DEPTOR: variants seen among roughly 807,000 people sequenced by gnomAD.
DEPTOR encodes DEP domain containing MTOR interacting protein.
In DEPTOR, 41 loss-of-function variants were observed where a neutral mutation model predicts 41.6. The observed-to-expected ratio is 0.98, with a 90% confidence interval of 0.77 to 1.28. The LOEUF is 1.28. Among genes scored for constraint, DEPTOR ranks in the 50% most tolerant of loss-of-function variants. The pLI, the probability that DEPTOR is intolerant of heterozygous loss-of-function variation, is 0.00. For synonymous variants in DEPTOR, 195 were observed against 192.3 expected (o/e 1.01, Z -0.12); for missense variants, 514 against 527.9 (o/e 0.97, Z 0.26).
chr8:120,046,384 A>G (rs1206651737), intron 8 of DEPTOR, among the ~76,000 whole-genome samples: 1 of 151,496 alleles, frequency 6.6e-6, no homozygotes, highest in Non-Finnish European at 1.5e-5. Flanking sequence ...ACCCTAAGTA[A>G]TCAATAATCT....
intron 1 of DEPTOR, among the ~76,000 whole-genome samples, chr8:119,881,751 G>A (rs1827300193): frequency 6.6e-6 from 1 of 152,102 alleles, no homozygotes; most frequent in African/African-American, 2.4e-5. Flanking sequence ...AAACAGCAGA[G>A]AGATATCCTG....
chr8:119,927,701 C>T (rs1586618613), intron 1 of DEPTOR, among the ~76,000 whole-genome samples: 2 of 151,574 alleles, frequency 1.3e-5, no homozygotes, highest in South Asian at 2.1e-4. Context: ...CTCCACCTCC[C>T]AGGTTCAAGC....
In DEPTOR at chr8:119,873,762, G is replaced by C. The variant is rs528647220; in HGVS notation, c.-85G>C. ...GCTGCCCCGAACAAAGATGGCGCGGGAAGCGTCTGTGAGGGCAGACTGATC... is the reference window on the plus strand; with the variant it reads ...GCTGCCCCGAACAAAGATGGCGCGGCAAGCGTCTGTGAGGGCAGACTGATC... On this transcript the variant is annotated 5_prime_UTR_variant, in exon 1 of 9. Coordinates refer to ENST00000286234, the MANE Select transcript of DEPTOR (RefSeq NM_022783.4). The C allele has an allele frequency of 2.4e-4, 379 of 1,557,288 alleles. 5 individuals are homozygous for C. The South Asian group carries it at 4.2e-3, about 17-fold the overall frequency.
intron 8 of DEPTOR, among the ~76,000 whole-genome samples, chr8:120,037,265 C>T (rs1812992357): frequency 6.6e-6 from 1 of 152,160 alleles, no homozygotes; most frequent in Non-Finnish European, 1.5e-5. Flanking sequence ...TAAACTTGAT[C>T]CCCATTTTAC....
At chr8:119,946,715 C>A (rs1828283141) in intron 3 of DEPTOR, among the ~76,000 whole-genome samples, 1 of 151,922 alleles carries the variant, frequency 6.6e-6, no homozygotes, top group Admixed American at 6.6e-5. Flanking sequence ...GCCTGGGCAA[C>A]AAGAGCGAAA....
At position 119,934,550 on chromosome 8, in the gene DEPTOR, G is replaced by A. The variant is rs1400462749; in HGVS notation, c.425+4612G>A. The stretch of plus-strand genomic sequence containing the variant: ...AAATCTCTGTGATCTGCAGTCTACC[G>A]TGGAGATAAGGCTGGGACCCACTGC... On this transcript the variant is annotated intron_variant, in intron 3 of 8. Transcript: ENST00000286234. Among the ~76,000 whole-genome samples, 5 of 152,278 alleles carry A rather than the reference G, an allele frequency of 3.3e-5. No homozygotes were observed. The East Asian group carries it at 7.7e-4, about 24-fold the overall frequency.
At position 119,885,265 on chromosome 8, in the gene DEPTOR, G is replaced by A. The variant is rs375595932; in HGVS notation, c.122+11297G>A. Among the ~76,000 whole-genome samples the A allele has an allele frequency of 1.8e-4, 28 of 152,260 alleles. No individual in the cohort carries two copies. The East Asian group carries it at 3.1e-3, about 17-fold the overall frequency. On this transcript the variant is annotated intron_variant, in intron 1 of 8. Transcript: ENST00000286234. The stretch of plus-strand genomic sequence containing the variant: ...CAAAAAGTGGGGTTTATTCCCTGTA[G>A]TGGTATATGACTGTGTTTTACATTG...
At position 120,024,096 on chromosome 8, in the gene DEPTOR, G is replaced by A. The variant is rs537124117; in HGVS notation, c.1101+14963G>A. Among the ~76,000 whole-genome samples the A allele has an allele frequency of 2.2e-3, 338 of 152,238 alleles. 3 individuals carry two copies. The highest frequency in any genetic ancestry group is 7.9e-3 in the African/African-American group (327 of 41,544). Reference sequence around the variant, plus strand: ...ACTAAAAATACAAAAACTTAGCCGGGCATGGTGGCATGAACCTGTAGTCCC... The same window carrying A: ...ACTAAAAATACAAAAACTTAGCCGGACATGGTGGCATGAACCTGTAGTCCC... On this transcript the variant is annotated intron_variant, in intron 8 of 8. Coordinates refer to ENST00000286234, the MANE Select transcript of DEPTOR (RefSeq NM_022783.4).
chr8:119,892,558 C>G (rs1827464984), intron 1 of DEPTOR, among the ~76,000 whole-genome samples: 1 of 152,188 alleles, frequency 6.6e-6, no homozygotes, highest in South Asian at 2.1e-4. Context: ...CTTTTGTACT[C>G]ATGTACTGAC....
chr8:120,008,309 C>T (rs1423571568), intron 7 of DEPTOR, among the ~76,000 whole-genome samples: 1 of 152,026 alleles, frequency 6.6e-6, no homozygotes, highest in Admixed American at 6.6e-5. Context: ...AGGTGGATCA[C>T]CTGAGCTCAG....
intron 1 of DEPTOR, among the ~76,000 whole-genome samples, chr8:119,884,358 G>T (rs566986478): frequency 6.6e-6 from 1 of 152,064 alleles, no homozygotes; most frequent in Non-Finnish European, 1.5e-5. Context: ...GCACCTGGCC[G>T]GTTGCATTTT....
intron 4 of DEPTOR, among the ~76,000 whole-genome samples, chr8:119,988,976 T>C (rs1828865740): frequency 6.8e-6 from 1 of 146,418 alleles, no homozygotes; most frequent in Non-Finnish European, 1.5e-5. Flanking sequence ...TTTTTTTTTT[T>C]TTTTAATAGA....
chr8:119,923,188 T>A (rs1018597458), intron 1 of DEPTOR, among the ~76,000 whole-genome samples: 1 of 152,140 alleles, frequency 6.6e-6, no homozygotes, highest in Non-Finnish European at 1.5e-5. Flanking sequence ...TTTAGTGGCT[T>A]AAAAAATCTC....
At chr8:120,000,837 G>A (rs1000089968) in intron 4 of DEPTOR, among the ~76,000 whole-genome samples, 1 of 151,988 alleles carries the variant, frequency 6.6e-6, no homozygotes, top group South Asian at 2.1e-4. Context: ...CAGCACTTTG[G>A]GAGGCTGAGG....
intron 8 of DEPTOR, among the ~76,000 whole-genome samples, chr8:120,029,387 T>TTTTATTTA (rs549676893): frequency 3.9e-5 from 6 of 152,020 alleles, no homozygotes; most frequent in African/African-American, 1.2e-4. Context: ...TTGAGTTTTA[T>TTTTATTTA]TTTATTTATT....
At chr8:119,970,640 T>G (rs1319532864) in intron 4 of DEPTOR, among the ~76,000 whole-genome samples, 1 of 152,144 alleles carries the variant, frequency 6.6e-6, no homozygotes, top group Non-Finnish European at 1.5e-5. Flanking sequence ...CCTTTGAGAG[T>G]TTGTTTTTTC....
intron 8 of DEPTOR, among the ~76,000 whole-genome samples, chr8:120,023,523 A>G (rs1298278798): frequency 6.6e-6 from 1 of 152,192 alleles, no homozygotes; most frequent in African/African-American, 2.4e-5. Flanking sequence ...GTGGGAGGGC[A>G]CAGTCCATAG....
chr8:119,946,931 AT>A (rs1384490680), intron 3 of DEPTOR, among the ~76,000 whole-genome samples: 1 of 151,988 alleles, frequency 6.6e-6, no homozygotes, highest in Non-Finnish European at 1.5e-5. Context: ...GATGCCTGGA[AT>A]TTGTTATTCT....
At chr8:119,888,268 C>T (rs753332571) in intron 1 of DEPTOR, among the ~76,000 whole-genome samples, 7 of 152,146 alleles carry the variant, frequency 4.6e-5, no homozygotes, top group African/African-American at 2.4e-5. Flanking sequence ...ATGCCACACT[C>T]GTAGGTAACT....
Sources: gnomAD v4.1 joint callset for allele counts (sites outside exome capture counted in the v4.1 genomes callset) on GRCh38, gnomAD v4.1.1 for gene constraint, MANE v1.5 for transcripts, NCBI Gene and HGNC (gene_info 2026-07-23, HGNC 2026-07-21) for gene names.